The following HACE1 variants were observed in gnomAD, a reference collection of about 807,000 sequenced individuals.
HACE1 encodes E3 ubiquitin-protein ligase HACE1.
HACE1 carries 73 observed loss-of-function variants against 118.4 expected under a neutral mutation model. The ratio of observed to expected loss-of-function variants is 0.62; its 90% CI spans 0.51 to 0.75. The LOEUF (loss-of-function observed/expected upper bound fraction) is 0.75, where lower values mean the gene tolerates loss of function less well. Ranked by LOEUF, HACE1 falls within the 30% of genes least tolerant of loss-of-function variation. The pLI, the probability that HACE1 is intolerant of heterozygous loss-of-function variation, is 0.00. For missense variants in HACE1, 749 were observed against 1,102.2 expected (o/e 0.68, Z 4.54); for synonymous variants, 368 against 374.8 (o/e 0.98, Z 0.21).
chr6:104,846,106 C>T (rs1775645451), intron 4 of HACE1, among the ~76,000 whole-genome samples: 1 of 152,108 alleles, frequency 6.6e-6, no homozygotes, highest in African/African-American at 2.4e-5. Context: ...TAATGCTTCC[C>T]CTTCCAAAAA....
intron 17 of HACE1, among the ~76,000 whole-genome samples, chr6:104,772,864 G>T (rs1780793830): frequency 6.6e-6 from 1 of 152,022 alleles, no homozygotes; most frequent in African/African-American, 2.4e-5. Context: ...AGGGGATATG[G>T]GAGATATTGC....
chr6:104,824,494 A>G (rs985417746), intron 6 of HACE1, among the ~76,000 whole-genome samples: 21 of 152,226 alleles, frequency 1.4e-4, no homozygotes, highest in Non-Finnish European at 1.5e-4. Flanking sequence ...ACTTAGATAG[A>G]TGAAAATGTA....
At chr6:104,742,165 A>G (rs1257000333) in intron 22 of HACE1, among the ~76,000 whole-genome samples, 1 of 133,176 alleles carries the variant, frequency 7.5e-6, no homozygotes, top group Non-Finnish European at 1.6e-5. Context: ...TCAATTCAAG[A>G]TGGATTAAAG....
At position 104,859,349 on chromosome 6, in the gene HACE1, C is replaced by A. The variant is rs59097609; in HGVS notation, c.76+218G>T. Reference sequence around the variant, plus strand: ...GCTCCTCCCAGCAGCGGAACCCCCACCAACCCAGTTTCCTCCCGAAAACTC... The same window carrying A: ...GCTCCTCCCAGCAGCGGAACCCCCAACAACCCAGTTTCCTCCCGAAAACTC... On this transcript the variant is annotated intron_variant, in intron 1 of 23. Transcript: ENST00000262903. 3.5e-3 allele frequency: 1,800 copies of A among 514,086 alleles called. 27 individuals carry two copies. Among genetic ancestry groups the A allele is most frequent in the African/African-American group, 0.033 (1,622 of 48,598 alleles). The allele number at this position is 514,086 out of a possible 1,614,324, so 31.8% of individuals were successfully genotyped here. A position where few individuals can be genotyped will look rare whatever the true frequency, so the allele number is the denominator to read the frequency against.
chr6:104,748,033 C>T (rs1254029578), intron 20 of HACE1, among the ~76,000 whole-genome samples: 1 of 151,784 alleles, frequency 6.6e-6, no homozygotes, highest in Non-Finnish European at 1.5e-5. Flanking sequence ...ATCTTCACAG[C>T]CTTGGAGTAA....
At chr6:104,784,532 A>G (rs1782134144) in intron 12 of HACE1, 47 bp from the exon 13 acceptor site, 3 of 1,286,914 alleles carry the variant, frequency 2.3e-6, no homozygotes, top group Non-Finnish European at 3.4e-6. Context: ...AAAGTTTGTG[A>G]TATAATATAG....
At chr6:104,851,247 C>A (rs978063411) in intron 2 of HACE1, among the ~76,000 whole-genome samples, 1 of 152,132 alleles carries the variant, frequency 6.6e-6, no homozygotes, top group African/African-American at 2.4e-5. Flanking sequence ...CTACACCCGG[C>A]TAATTTTTGT....
chr6:104,738,956 T>TA (rs1442195139), intron 22 of HACE1, among the ~76,000 whole-genome samples: 1 of 149,346 alleles, frequency 6.7e-6, no homozygotes, highest in African/African-American at 2.5e-5. Context: ...CCCATCAGAC[T>TA]AACAGCGGAT....
chr6:104,840,407 G>C (rs1033822728), intron 5 of HACE1, among the ~76,000 whole-genome samples: 1 of 152,066 alleles, frequency 6.6e-6, no homozygotes, highest in African/African-American at 2.4e-5. Context: ...GCGGGAGGAG[G>C]GGCTGAAAAA....
rs575019871 is a variant in HACE1 at position 104,848,942 on chromosome 6, C to T, written c.326+200G>A. On this transcript the variant is annotated intron_variant, in intron 4 of 23. Coordinates refer to ENST00000262903, the MANE Select transcript of HACE1 (RefSeq NM_020771.4). ...ATTTTTAAATTGAATATAATGACCC[C>T]AGATCCACTATAAAGAAGAACAATA... 7.9e-5 allele frequency among the ~76,000 whole-genome samples: 12 copies of T among 151,940 alleles called. No homozygotes were observed. The East Asian group carries it at 1.7e-3, about 22-fold the overall frequency.
chr6:104,819,833 A>G (rs1772504861), intron 6 of HACE1, among the ~76,000 whole-genome samples: 1 of 152,234 alleles, frequency 6.6e-6, no homozygotes. Flanking sequence ...CTGGTTAGCT[A>G]TAGGAAAACA....
chr6:104,843,779 C>T (rs1212825969), intron 4 of HACE1, among the ~76,000 whole-genome samples: 6 of 151,564 alleles, frequency 4.0e-5, no homozygotes, highest in Admixed American at 1.3e-4. Flanking sequence ...CATCCCTCTA[C>T]TCACTGGAGG....
intron 6 of HACE1, among the ~76,000 whole-genome samples, chr6:104,821,978 T>C (rs982007952): frequency 2.6e-5 from 4 of 151,890 alleles, no homozygotes; most frequent in African/African-American, 9.7e-5. Flanking sequence ...GAGACCAAAG[T>C]GGGAGGAGTG....
At chr6:104,824,459 T>C (rs1363033560) in intron 6 of HACE1, among the ~76,000 whole-genome samples, 1 of 152,194 alleles carries the variant, frequency 6.6e-6, no homozygotes, top group Non-Finnish European at 1.5e-5. Flanking sequence ...ATGTGAAAAC[T>C]GTTCATGTGT....
At chr6:104,776,555 T>C (rs1192465203) in intron 17 of HACE1, among the ~76,000 whole-genome samples, 186 bp downstream of exon 17, 1 of 152,252 alleles carries the variant, frequency 6.6e-6, no homozygotes, top group African/African-American at 2.4e-5. Flanking sequence ...GTTCCACTTA[T>C]GATTCTACTA....
chr6:104,769,243 C>G (rs946063318), intron 19 of HACE1, among the ~76,000 whole-genome samples: 2 of 152,060 alleles, frequency 1.3e-5, no homozygotes, highest in Non-Finnish European at 2.9e-5. Flanking sequence ...CTATGTTGCC[C>G]AGGCTTGTCT....
intron 22 of HACE1, among the ~76,000 whole-genome samples, chr6:104,734,034 C>T (rs1775512500): frequency 6.6e-6 from 1 of 151,204 alleles, no homozygotes; most frequent in South Asian, 2.1e-4. Flanking sequence ...CGCCTGTAAT[C>T]CCAGCGACTC....
chr6:104,771,896 T>C (rs1353646848), intron 18 of HACE1, 29 bp downstream of exon 18: 3 of 1,457,974 alleles, frequency 2.1e-6, no homozygotes, highest in East Asian at 2.3e-5. Flanking sequence ...TATAAATAAA[T>C]GTCTGCAGAA....
intron 20 of HACE1, among the ~76,000 whole-genome samples, chr6:104,748,297 T>G (rs1040418405): frequency 1.3e-5 from 2 of 151,872 alleles, no homozygotes; most frequent in Non-Finnish European, 2.9e-5. Context: ...ATAGACACTT[T>G]GAAAACAGTA....
Sources: allele counts gnomAD v4.1 joint callset (sites outside exome capture counted in the v4.1 genomes callset), GRCh38; gene constraint gnomAD v4.1.1; transcripts MANE v1.5; gene names NCBI Gene and HGNC (gene_info 2026-07-23, HGNC 2026-07-21).